The following CTNNA3 variants were observed in gnomAD, a reference collection of about 807,000 sequenced individuals.
The protein encoded by CTNNA3 is catenin alpha-3.
CTNNA3 carries 76 observed loss-of-function variants against 95.7 expected under a neutral mutation model. The observed-to-expected ratio is 0.79, with a 90% confidence interval of 0.66 to 0.96. The LOEUF (loss-of-function observed/expected upper bound fraction) is 0.96. Among genes scored for constraint, CTNNA3 ranks in the 40% least tolerant of loss-of-function variants. CTNNA3 has a pLI of 0.00. For synonymous variants in CTNNA3, 431 were observed against 374.4 expected, an observed-to-expected ratio of 1.15 and a Z score of -1.74; for missense variants, 1,191 against 1,089.8, an observed-to-expected ratio of 1.09 and a Z score of -1.31.
At chr10:67,483,286 T>C (rs1244291453) in intron 5 of CTNNA3, among the ~76,000 whole-genome samples, 1 of 148,472 alleles carries the variant, frequency 6.7e-6, no homozygotes, top group Non-Finnish European at 1.5e-5. Flanking sequence ...CAAAGGATTA[T>C]AAATCATGCT....
chr10:67,486,429 C>T (rs972787832), intron 5 of CTNNA3, among the ~76,000 whole-genome samples: 1 of 152,102 alleles, frequency 6.6e-6, no homozygotes, highest in African/African-American at 2.4e-5. Flanking sequence ...ACTTTTGCTT[C>T]ACTGTGTCTT....
chr10:66,887,743 C>T lies in CTNNA3; in HGVS notation c.1048-112219G>A, dbSNP rs1845098917. Among the ~76,000 whole-genome samples, 3 of 152,150 alleles carry T rather than the reference C, an allele frequency of 2.0e-5. No individual in the cohort carries two copies. The South Asian group carries it at 6.2e-4, about 31-fold the overall frequency. ...GTTTAATCTGACTTACTTTTAGAACCATCCCTAACTAAGTCAGCTGTCATG... is the reference window on the plus strand; with the variant it reads ...GTTTAATCTGACTTACTTTTAGAACTATCCCTAACTAAGTCAGCTGTCATG... On this transcript the variant is annotated intron_variant, in intron 7 of 17. Coordinates refer to ENST00000433211, the MANE Select transcript of CTNNA3 (RefSeq NM_013266.4).
intron 3 of CTNNA3, among the ~76,000 whole-genome samples, chr10:67,588,659 C>T (rs1842706628): frequency 6.6e-6 from 1 of 151,994 alleles, no homozygotes; most frequent in Non-Finnish European, 1.5e-5. Flanking sequence ...CCTGGCTTCT[C>T]TGAGTAGTAT....
At position 66,364,508 on chromosome 10, in the gene CTNNA3, T is replaced by A. The variant is rs184062266; in HGVS notation, c.1732+14644A>T. Among the ~76,000 whole-genome samples the A allele has an allele frequency of 2.0e-5, 3 of 152,240 alleles. No individual in the cohort carries two copies. The East Asian group carries it at 5.8e-4, about 29-fold the overall frequency. On this transcript the variant is annotated intron_variant, in intron 12 of 17. Transcript: ENST00000433211. Reference sequence around the variant, plus strand: ...ACAACACTTTTTTATATTTTGGACATTTTTTCTTTGGTTATTTTATATTTT... The same window carrying A: ...ACAACACTTTTTTATATTTTGGACAATTTTTCTTTGGTTATTTTATATTTT...
chr10:67,752,816 A>G (rs764511156), intron 1 of CTNNA3, among the ~76,000 whole-genome samples: 2 of 152,272 alleles, frequency 1.3e-5, no homozygotes, highest in Non-Finnish European at 2.9e-5. Context: ...TCAACGAAAT[A>G]AGAGAGGACA....
intron 10 of CTNNA3, among the ~76,000 whole-genome samples, chr10:66,528,129 T>A (rs185524159): frequency 3.9e-5 from 6 of 152,216 alleles, no homozygotes; most frequent in Non-Finnish European, 8.8e-5. Flanking sequence ...CTGTGTTTGA[T>A]CCTCATTTCT....
At chr10:66,374,832 G>C (rs557884245) in intron 12 of CTNNA3, among the ~76,000 whole-genome samples, 1 of 151,920 alleles carries the variant, frequency 6.6e-6, no homozygotes, top group Non-Finnish European at 1.5e-5. Context: ...GGCCAGGCTG[G>C]TCTTGAACTC....
chr10:67,750,440 C>T, intron 1 of CTNNA3: 1 of 1,491,920 alleles, frequency 6.7e-7, no homozygotes, highest in Non-Finnish European at 9.3e-7. Flanking sequence ...TCAGAATGAA[C>T]ATGAGGTGGG....
At chr10:67,122,458 C>A (rs775103221) in intron 7 of CTNNA3, among the ~76,000 whole-genome samples, 12 of 151,974 alleles carry the variant, frequency 7.9e-5, no homozygotes, top group African/African-American at 2.2e-4. Flanking sequence ...GAACAAAAAT[C>A]TCATTAGCCA....
chr10:67,173,302 A>G (rs1347549625), intron 7 of CTNNA3, among the ~76,000 whole-genome samples: 2 of 152,092 alleles, frequency 1.3e-5, no homozygotes, highest in Non-Finnish European at 2.9e-5. Context: ...AACCTGCCTC[A>G]TCCAAAGTTA....
In CTNNA3 at chr10:67,622,347, T is replaced by A. The variant is rs4745940; in HGVS notation, c.100-15298A>T. On this transcript the variant is annotated intron_variant, in intron 2 of 17. Coordinates refer to ENST00000433211, the MANE Select transcript of CTNNA3 (RefSeq NM_013266.4). ...TAAAGCTAAGTTAGAAGTGGGTATC[T>A]ATGGAATCAGTCTGAATTCATTGAG... is the stretch of plus-strand genomic sequence containing the variant. Among the ~76,000 whole-genome samples the A allele has an allele frequency of 0.034, 5,194 of 152,318 alleles. 617 individuals carry two copies. In the East Asian group the frequency reaches 0.43, roughly 13 times the overall value.
At chr10:67,387,377 A>C (rs1844221111) in intron 5 of CTNNA3, among the ~76,000 whole-genome samples, 1 of 152,056 alleles carries the variant, frequency 6.6e-6, no homozygotes. Context: ...GCACCACGAG[A>C]GTATATCCCG....
At chr10:67,581,522 T>C (rs536942132) in intron 3 of CTNNA3, among the ~76,000 whole-genome samples, 1 of 152,182 alleles carries the variant, frequency 6.6e-6, no homozygotes, top group Non-Finnish European at 1.5e-5. Context: ...AAAATTCTCT[T>C]TGTTTGTTGT....
intron 2 of CTNNA3, among the ~76,000 whole-genome samples, chr10:67,629,340 A>G (rs1839061529): frequency 6.7e-6 from 1 of 150,004 alleles, no homozygotes; most frequent in African/African-American, 2.5e-5. Context: ...CCACTAGGAC[A>G]TGGCTACCTT....
At chr10:66,142,870 A>G (rs904005080) in intron 13 of CTNNA3, among the ~76,000 whole-genome samples, 1 of 152,132 alleles carries the variant, frequency 6.6e-6, no homozygotes, top group African/African-American at 2.4e-5. Flanking sequence ...GCATATGGAA[A>G]GAAAAAGTCA....
chr10:66,882,876 T>G (rs73325579), intron 7 of CTNNA3, among the ~76,000 whole-genome samples: 4,501 of 152,194 alleles, frequency 0.03, 116 homozygotes, highest in African/African-American at 0.066. Flanking sequence ...CTTTCACAAC[T>G]GTTATAGGAG....
chr10:67,534,831 AT>A (rs1840441484), intron 4 of CTNNA3, among the ~76,000 whole-genome samples: 1 of 152,158 alleles, frequency 6.6e-6, no homozygotes, highest in Admixed American at 6.5e-5. Flanking sequence ...CTCCCAAGGA[AT>A]TTGCAGAAAT....
intron 12 of CTNNA3, among the ~76,000 whole-genome samples, chr10:66,372,466 C>T (rs1421271914): frequency 2.0e-5 from 3 of 152,056 alleles, no homozygotes; most frequent in Non-Finnish European, 4.4e-5. Flanking sequence ...GGTGAATAAC[C>T]ACACAGCATG....
intron 7 of CTNNA3, among the ~76,000 whole-genome samples, chr10:66,913,520 T>C (rs188674135): frequency 8.2e-4 from 125 of 152,190 alleles, no homozygotes; most frequent in Non-Finnish European, 1.4e-3. Context: ...ATTGTCTCTT[T>C]CACGTCAAAA....
Sources: allele counts gnomAD v4.1 joint callset (sites outside exome capture counted in the v4.1 genomes callset), GRCh38; gene constraint gnomAD v4.1.1; transcripts MANE v1.5; gene names NCBI Gene and HGNC (gene_info 2026-07-23, HGNC 2026-07-21).